Variants in HIVEP3 observed in about 807,000 individuals in gnomAD.
The protein encoded by HIVEP3 is HIVEP zinc finger 3.
A neutral mutation model predicts 152.8 loss-of-function variants in HIVEP3; 49 were observed. The observed-to-expected ratio is 0.32, with a 90% CI of 0.26 to 0.41. The LOEUF (loss-of-function observed/expected upper bound fraction) is 0.41. Among genes scored for constraint, HIVEP3 ranks in the 10% least tolerant of loss-of-function variants. The pLI is 1.00. For missense variants in HIVEP3, 2,790 were observed against 3,103.3 expected, an observed-to-expected ratio of 0.90 and a Z score of 2.40; for synonymous variants, 1,269 against 1,289.0, an observed-to-expected ratio of 0.98 and a Z score of 0.33.
chr1:41,617,808 T>C (rs972137976), intron 3 of HIVEP3, among the ~76,000 whole-genome samples: 1 of 152,212 alleles, frequency 6.6e-6, no homozygotes, highest in Admixed American at 6.5e-5. Flanking sequence ...TCCCACATCA[T>C]AAGAAACTGG....
chr1:41,962,002 T>C (rs1645172270), intron 1 of HIVEP3, among the ~76,000 whole-genome samples: 1 of 152,200 alleles, frequency 6.6e-6, no homozygotes, highest in Admixed American at 6.5e-5. Context: ...TTAGCTAGAA[T>C]TAGAGGCACC....
chr1:41,627,564 G>A (rs1645135208), intron 3 of HIVEP3, among the ~76,000 whole-genome samples: 1 of 152,182 alleles, frequency 6.6e-6, no homozygotes, highest in African/African-American at 2.4e-5. Context: ...ACAGGCTCTA[G>A]CCACCCCGAA....
At chr1:41,630,673 G>T (rs1023215344) in intron 2 of HIVEP3, among the ~76,000 whole-genome samples, 5 of 152,146 alleles carry the variant, frequency 3.3e-5, no homozygotes, top group African/African-American at 1.2e-4. Flanking sequence ...AGCTTGGAAA[G>T]CAGAATGTTC....
chr1:41,558,410 C>T (rs897878599), intron 5 of HIVEP3, among the ~76,000 whole-genome samples: 4 of 152,114 alleles, frequency 2.6e-5, no homozygotes, highest in South Asian at 2.1e-4. Context: ...GTCCTGAGCT[C>T]GCCAGCTACA....
At chr1:41,915,103 T>A (rs1222033746) in intron 1 of HIVEP3, among the ~76,000 whole-genome samples, 1 of 151,184 alleles carries the variant, frequency 6.6e-6, no homozygotes, top group Non-Finnish European at 1.5e-5. Flanking sequence ...GCCATTATCA[T>A]GGATAGTTGC....
intron 5 of HIVEP3, among the ~76,000 whole-genome samples, chr1:41,559,670 C>T (rs548147547): frequency 6.6e-6 from 1 of 152,314 alleles, no homozygotes; most frequent in African/African-American, 2.4e-5. Flanking sequence ...TACTTCCTTC[C>T]TCCTGTTGGC....
At chr1:41,981,525 G>A (rs1042870000) in intron 1 of HIVEP3, among the ~76,000 whole-genome samples, 1 of 152,098 alleles carries the variant, frequency 6.6e-6, no homozygotes. Flanking sequence ...ACGTCTTCCT[G>A]CTCTGCAGTG....
chr1:41,891,369 T>C (rs12061198), intron 1 of HIVEP3, among the ~76,000 whole-genome samples: 10,229 of 152,264 alleles, frequency 0.067, 1,079 homozygotes, highest in African/African-American at 0.23. Context: ...AATTTTGAGT[T>C]TCAATTAAAC....
chr1:41,728,417 G>A (rs1646789599), intron 1 of HIVEP3, among the ~76,000 whole-genome samples: 2 of 152,116 alleles, frequency 1.3e-5, no homozygotes, highest in Non-Finnish European at 2.9e-5. Flanking sequence ...ACCCAGGCCT[G>A]GGGCACTCAG....
In HIVEP3 at chr1:41,888,849, T is replaced by TACCACATACCTCACACACAC. The variant is rs1644396982; in HGVS notation, c.-801+29544_-801+29563dup. Among the ~76,000 whole-genome samples the TACCACATACCTCACACACAC allele has an allele frequency of 6.1e-5, 6 of 99,084 alleles. No homozygotes were observed. In the South Asian group the frequency reaches 1.9e-3, roughly 31 times the overall value. The allele number at this position is 99,084 out of a possible 152,430, so 65.0% of individuals were successfully genotyped here. A position where few individuals can be genotyped will look rare whatever the true frequency, so the allele number is the denominator to read the frequency against. ...CATATACCACACACACATGCCCCCA[T>TACCACATACCTCACACACAC]ACCACATACCTCACACACACACCAC... On this transcript the variant is annotated intron_variant, in intron 1 of 8. Coordinates refer to ENST00000372583, the MANE Select transcript of HIVEP3 (RefSeq NM_024503.5).
chr1:41,711,728 A>G (rs144325398), intron 1 of HIVEP3, among the ~76,000 whole-genome samples: 42 of 152,260 alleles, frequency 2.8e-4, no homozygotes, highest in African/African-American at 8.9e-4. Flanking sequence ...GATGCCAGAG[A>G]CAGGCTCTCT....
At chr1:41,525,579 G>C (rs1014021537) in intron 5 of HIVEP3, among the ~76,000 whole-genome samples, 4 of 152,160 alleles carry the variant, frequency 2.6e-5, no homozygotes, top group African/African-American at 9.7e-5. Flanking sequence ...TCAGAGTTTG[G>C]AATGAGGAGT....
chr1:41,830,195 C>CT (rs1465516881), intron 1 of HIVEP3, among the ~76,000 whole-genome samples: 1 of 152,230 alleles, frequency 6.6e-6, no homozygotes, highest in Admixed American at 6.5e-5. Flanking sequence ...TCTCTGTCTA[C>CT]TTGTGTCTCC....
intron 1 of HIVEP3, among the ~76,000 whole-genome samples, chr1:41,893,239 T>C (rs978591993): frequency 6.6e-6 from 1 of 151,782 alleles, no homozygotes; most frequent in African/African-American, 2.4e-5. Context: ...GCCACCATGA[T>C]CCTGGCCTTC....
chr1:41,510,692 G>C lies in HIVEP3; in HGVS notation c.6980C>G (p.Ser2327Cys), dbSNP rs1337958621. ...CGGGGACTCCAAGCGGGGGCTCCAGGACTGCGCTGCCCGGCGTCCCTGGGG... is the reference window on the plus strand; with the variant it reads ...CGGGGACTCCAAGCGGGGGCTCCAGCACTGCGCTGCCCGGCGTCCCTGGGG... ...RPPQGRRAAQ[S>C]WSPRLESPRA... The change falls in exon 9 of 9, where the codon TCC becomes TGC. Residue 2327 changes from serine (S) to cysteine (C), a missense_variant. Transcript: ENST00000372583. 2 of 1,525,696 alleles carry C rather than the reference G, an allele frequency of 1.3e-6. No homozygotes were observed. The highest frequency in any genetic ancestry group is 1.8e-6 in the Non-Finnish European group (2 of 1,136,346). The allele number at this position is 1,525,696 out of a possible 1,614,324, so 94.5% of individuals were successfully genotyped here. A position where few individuals can be genotyped will look rare whatever the true frequency, so the allele number is the denominator to read the frequency against.
rs1364258916 is a variant in HIVEP3 at position 41,513,712 on chromosome 1, C to T, written c.5509G>A (p.Glu1837Lys). ...TGCTCCTCCACAGCCTCTGAACCCTCTCGTCCTTCCGAGTCCTGGAACAGG... is the reference window on the plus strand; with the variant it reads ...TGCTCCTCCACAGCCTCTGAACCCTTTCGTCCTTCCGAGTCCTGGAACAGG... Reference protein sequence around the residue: ...DDLFQDSEGREGSEAVEEHQF... With the variant: ...DDLFQDSEGRKGSEAVEEHQF... Residue 1837 changes from glutamate to lysine, a missense_variant, in exon 8 of 9, where the codon GAG becomes AAG. This residue lies in a region of HIVEP3 where 816 missense variants were observed against 806.5 expected (regional missense o/e 1.01). Transcript: ENST00000372583. 6.3e-7 allele frequency: 1 copy of T among 1,595,616 alleles called. No individual in the cohort carries two copies. Among genetic ancestry groups the T allele is most frequent in the Non-Finnish European group, 8.5e-7 (1 of 1,171,968 alleles).
rs371905254 is a variant in HIVEP3 at position 41,716,959 on chromosome 1, TG to T, written c.-800-15965del. Among the ~76,000 whole-genome samples the T allele has an allele frequency of 5.9e-5, 9 of 152,356 alleles. 1 individual carries two copies. The highest frequency in any genetic ancestry group is 2.2e-4 in the African/African-American group (9 of 41,584). ...CAGGCCTCAAGCTGCACGCACGTTG[TG>T]GAAGACGAGTATGTTTACTCAGCAG... is the stretch of plus-strand genomic sequence containing the variant. On this transcript the variant is annotated intron_variant, in intron 1 of 8. Coordinates refer to ENST00000372583, the MANE Select transcript of HIVEP3 (RefSeq NM_024503.5).
rs1004620115 is a variant in HIVEP3, at chr1:41,814,479, A to G, written c.-801+103934T>C. On this transcript the variant is annotated intron_variant, in intron 1 of 8. Transcript: ENST00000372583. The stretch of plus-strand genomic sequence containing the variant: ...GGTTAAGGGAATGGCCCAAAGTCAC[A>G]TGGCTAAGATGCAGAACCAGAACTT... 8.5e-5 allele frequency among the ~76,000 whole-genome samples: 13 copies of G among 152,216 alleles called. 1 individual carries two copies. Among genetic ancestry groups the G allele is most frequent in the Admixed American group, 7.9e-4 (12 of 15,286 alleles).
At position 41,583,670 on chromosome 1, in the gene HIVEP3, A is replaced by G; in HGVS notation, c.1128T>C (p.Asp376=). 1 of 1,614,104 alleles carries G rather than the reference A, an allele frequency of 6.2e-7. No homozygotes were observed. Among genetic ancestry groups the G allele is most frequent in the South Asian group, 1.1e-5 (1 of 91,062 alleles). ...LRLSERKKVI[D]EQAFLSPGSK... Reference sequence around the variant, plus strand: ...TGCCTGGGCTCAGAAACGCCTGCTCATCGATCACCTTCTTCCTCTCGCTTA... The same window carrying G: ...TGCCTGGGCTCAGAAACGCCTGCTCGTCGATCACCTTCTTCCTCTCGCTTA... The change falls in exon 4 of 9, where the codon GAT becomes GAC. Residue 376 remains aspartate, a synonymous_variant. Transcript: ENST00000372583. This position sits in a 1 kb window ranked among gnomAD's most constrained non-coding sequence, Gnocchi z 6.9.
Sources: allele counts gnomAD v4.1 joint callset (sites outside exome capture counted in the v4.1 genomes callset), GRCh38; gene constraint gnomAD v4.1.1; regional missense constraint gnomAD v4.1.1; non-coding constraint Gnocchi (gnomAD v3.1); transcripts MANE v1.5; gene names NCBI Gene and HGNC (gene_info 2026-07-23, HGNC 2026-07-21).